The following UBE4B variants were observed in gnomAD, a reference collection of about 807,000 sequenced individuals.
UBE4B encodes ubiquitin conjugation factor E4 B.
Under a neutral mutation model 148.1 loss-of-function variants are expected in UBE4B, and 27 were observed. The ratio of observed to expected loss-of-function variants is 0.18; its 90% CI spans 0.13 to 0.25. The LOEUF is 0.25. UBE4B is among the 10% of genes least tolerant of loss of function. UBE4B has a pLI of 1.00. For synonymous variants in UBE4B, 596 were observed against 619.3 expected (o/e 0.96, Z 0.56); for missense variants, 1,170 against 1,662.4 (o/e 0.70, Z 5.15).
At position 10,178,348 on chromosome 1, in the gene UBE4B, C is replaced by CA. The variant is rs199802380; in HGVS notation, c.3526-287dup. On this transcript the variant is annotated intron_variant, in intron 25 of 27. Transcript: ENST00000343090. ...GAAATGCGTGCTAGCTGTAAAAATTCAAAAAAAAAGCCCGTCTGCCTCAGT... is the reference window on the plus strand; with the variant it reads ...GAAATGCGTGCTAGCTGTAAAAATTCAAAAAAAAAAGCCCGTCTGCCTCAGT... Among the ~76,000 whole-genome samples, 1,337 of 149,820 alleles carry CA rather than the reference C, an allele frequency of 8.9e-3. 11 individuals are homozygous for CA. Among genetic ancestry groups the CA allele is most frequent in the Non-Finnish European group, 0.013 (895 of 67,412 alleles).
intron 1 of UBE4B, among the ~76,000 whole-genome samples, chr1:10,045,062 A>G (rs1643885569): frequency 6.6e-6 from 1 of 152,196 alleles, no homozygotes; most frequent in Admixed American, 6.5e-5. Context: ...AGGAGGGTGC[A>G]ATGTAGATCC....
intron 21 of UBE4B, among the ~76,000 whole-genome samples, chr1:10,154,167 C>G (rs897879223): frequency 6.6e-6 from 1 of 152,114 alleles, no homozygotes; most frequent in Non-Finnish European, 1.5e-5. Flanking sequence ...CTCTTGAACC[C>G]GGGAGGCAGA....
At position 10,106,367 on chromosome 1, in the gene UBE4B, C is replaced by T; in HGVS notation, c.980C>T (p.Ser327Phe). Residue 327 changes from serine to phenylalanine, a missense_variant, in exon 7 of 28, where the codon TCC becomes TTC. Coordinates refer to ENST00000343090, the MANE Select transcript of UBE4B (RefSeq NM_001105562.3). The surrounding 1 kb of genome is among the most constrained non-coding windows in gnomAD (Gnocchi z 4.2). The stretch of plus-strand genomic sequence containing the variant: ...ACTGCTGCGGGAAGCCAGCCTTCAT[C>T]CCCGCGGTATCGCCCCTACACTGTC... ...SGTAAGSQPS[S>F]PRYRPYTVTH... 6.2e-7 allele frequency: 1 copy of T among 1,613,846 alleles called. No homozygotes were observed. The highest frequency in any genetic ancestry group is 8.5e-7 in the Non-Finnish European group (1 of 1,179,792).
At chr1:10,155,125 T>G (rs115983170) in intron 21 of UBE4B, among the ~76,000 whole-genome samples, 2,647 of 150,404 alleles carry the variant, frequency 0.018, 35 homozygotes, top group Non-Finnish European at 0.027. Context: ...GTATTTGTGT[T>G]TACACAACAG....
At chr1:10,113,827 G>C (rs532579414) in intron 7 of UBE4B, among the ~76,000 whole-genome samples, 1 of 152,250 alleles carries the variant, frequency 6.6e-6, no homozygotes, top group East Asian at 1.9e-4. Flanking sequence ...AGCCCTTTGG[G>C]AGGCCGAAAT....
At chr1:10,178,552 C>A in intron 25 of UBE4B, 92 bp from the exon 26 acceptor site, 2 of 1,338,380 alleles carry the variant, frequency 1.5e-6, no homozygotes, top group East Asian at 2.6e-5. Context: ...GGGGAAAATC[C>A]ACAAATGGAT....
rs1646164128 is a variant in UBE4B, at chr1:10,161,787, G to A, written c.3198+501G>A. On this transcript the variant is annotated intron_variant, in intron 23 of 27. Coordinates refer to ENST00000343090, the MANE Select transcript of UBE4B (RefSeq NM_001105562.3). This position sits in a 1 kb window ranked among gnomAD's most constrained non-coding sequence, Gnocchi z 4.1. ...TTGCCAGGTTCCATGGAAAGCACGTGCCGTGCCAGTACCAGTGCTCTTTCC... is the reference window on the plus strand; with the variant it reads ...TTGCCAGGTTCCATGGAAAGCACGTACCGTGCCAGTACCAGTGCTCTTTCC... Among the ~76,000 whole-genome samples, 1 of 152,158 alleles carries A rather than the reference G, an allele frequency of 6.6e-6. No individual in the cohort carries two copies. The highest frequency in any genetic ancestry group is 1.5e-5 in the Non-Finnish European group (1 of 68,032).
intron 17 of UBE4B, among the ~76,000 whole-genome samples, chr1:10,139,496 G>GA (rs1645752385): frequency 6.6e-6 from 1 of 152,088 alleles, no homozygotes; most frequent in African/African-American, 2.4e-5. Context: ...TTAAATGTCA[G>GA]AAAAAATTCA....
intron 18 of UBE4B, among the ~76,000 whole-genome samples, chr1:10,146,140 G>C (rs1298096361): frequency 6.6e-6 from 1 of 152,152 alleles, no homozygotes; most frequent in Non-Finnish European, 1.5e-5. Context: ...CCACAGATGT[G>C]TTTCAAGGGG....
chr1:10,056,906 A>AGCCTCAGCCTCCCCAGCCC (rs1166169476), intron 1 of UBE4B, among the ~76,000 whole-genome samples: 2 of 152,136 alleles, frequency 1.3e-5, no homozygotes, highest in Non-Finnish European at 2.9e-5. Context: ...GGCTCACTGC[A>AGCCTCAGCCTCCCCAGCCC]GCCTCAGCCT....
intron 8 of UBE4B, among the ~76,000 whole-genome samples, chr1:10,118,286 T>C (rs966487352): frequency 2.0e-5 from 3 of 152,170 alleles, no homozygotes; most frequent in Admixed American, 1.3e-4. Context: ...TTGGGCTTTG[T>C]TGTACTTAGC....
chr1:10,091,908 CCTGA>C (rs1335641244), intron 2 of UBE4B, among the ~76,000 whole-genome samples: 1 of 151,938 alleles, frequency 6.6e-6, no homozygotes, highest in Non-Finnish European at 1.5e-5. Flanking sequence ...GCCCGGACTA[CCTGA>C]CTAATTTTTT....
At chr1:10,159,645 A>T (rs1248475100) in intron 22 of UBE4B, among the ~76,000 whole-genome samples, 2 of 152,222 alleles carry the variant, frequency 1.3e-5, no homozygotes, top group African/African-American at 4.8e-5. Context: ...AGATGGTGCC[A>T]CTGCACTCCA....
chr1:10,153,182 C>G (rs1646006242), intron 21 of UBE4B, among the ~76,000 whole-genome samples: 1 of 151,898 alleles, frequency 6.6e-6, no homozygotes, highest in Non-Finnish European at 1.5e-5. Context: ...TTCTGCAGTG[C>G]CAGCCCCAGA....
chr1:10,035,266 G>C (rs1453793803), intron 1 of UBE4B, among the ~76,000 whole-genome samples: 3 of 151,822 alleles, frequency 2.0e-5, no homozygotes, highest in Non-Finnish European at 4.4e-5. Flanking sequence ...CAAAGTGCTG[G>C]GATTACAGGC....
intron 1 of UBE4B, among the ~76,000 whole-genome samples, chr1:10,041,687 T>G (rs1643775903): frequency 6.6e-6 from 1 of 151,802 alleles, no homozygotes; most frequent in Admixed American, 6.6e-5. Flanking sequence ...GAAGCCCCAG[T>G]GGACTTTTTG....
At chr1:10,063,099 C>G (rs1458465666) in intron 1 of UBE4B, among the ~76,000 whole-genome samples, 1 of 151,724 alleles carries the variant, frequency 6.6e-6, no homozygotes, top group Non-Finnish European at 1.5e-5. Context: ...GAAACCCCGT[C>G]TCTAATAAAA....
chr1:10,073,162 T>A (rs373594185), intron 2 of UBE4B: 1 of 152,262 alleles, frequency 6.6e-6, no homozygotes, highest in East Asian at 1.9e-4. Context: ...GGTCTTCTGG[T>A]AGGATTGATG....
intron 7 of UBE4B, among the ~76,000 whole-genome samples, chr1:10,108,634 ACACTTCATTCAATTCGAT>A (rs1444727924): frequency 6.6e-6 from 1 of 152,208 alleles, no homozygotes; most frequent in Non-Finnish European, 1.5e-5. Context: ...GGAGTTAGGT[ACACTTCATTCAATTCGAT>A]GGTGTTCAGA....
Sources: allele counts gnomAD v4.1 joint callset (sites outside exome capture counted in the v4.1 genomes callset), GRCh38; gene constraint gnomAD v4.1.1; non-coding constraint Gnocchi (gnomAD v3.1); transcripts MANE v1.5; gene names NCBI Gene and HGNC (gene_info 2026-07-23, HGNC 2026-07-21).